Variants in ZNF439 observed in about 807,000 individuals in gnomAD.
ZNF439 encodes zinc finger protein 439.
Under a neutral mutation model 47.3 loss-of-function variants are expected in ZNF439, and 40 were observed. The ratio of observed to expected loss-of-function variants is 0.85; its 90% confidence interval spans 0.66 to 1.10. The LOEUF (loss-of-function observed/expected upper bound fraction) is 1.10. ZNF439 is among the 50% of genes least tolerant of loss of function. The pLI, the probability that ZNF439 is intolerant of heterozygous loss-of-function variation, is 0.00. For synonymous variants in ZNF439, 171 were observed against 198.8 expected, an observed-to-expected ratio of 0.86 and a Z score of 1.18; for missense variants, 556 against 601.1, an observed-to-expected ratio of 0.93 and a Z score of 0.78.
rs576721125 is a variant in ZNF439 at position 11,852,777 on chromosome 19, C to T, written c.63+3847C>T. On this transcript the variant is annotated intron_variant, in intron 1 of 3. Transcript: ENST00000682736. The stretch of plus-strand genomic sequence containing the variant: ...CACCCACCTTGGCCTCCCAAAGTGG[C>T]GGGATTACAGGTGTGAGCCACCATG... Among the ~76,000 whole-genome samples the T allele has an allele frequency of 1.4e-4, 21 of 152,046 alleles. No individual in the cohort carries two copies. In the South Asian group the frequency reaches 1.5e-3, roughly 11 times the overall value.
In ZNF439 at chr19:11,868,596, A is replaced by T. The variant is rs771519430; in HGVS notation, c.*27A>T. On this transcript the variant is annotated 3_prime_UTR_variant, in exon 4 of 4. Coordinates refer to ENST00000682736, the MANE Select transcript of ZNF439 (RefSeq NM_001348719.2). The stretch of plus-strand genomic sequence containing the variant: ...TATAAGATATATGGGAAACACTTTT[A>T]TTCTGCCAAGTTATTTCAAACACAT... 6.3e-7 allele frequency: 1 copy of T among 1,579,598 alleles called. No individual in the cohort carries two copies. Among genetic ancestry groups the T allele is most frequent in the Non-Finnish European group, 8.6e-7 (1 of 1,166,304 alleles).
intron 1 of ZNF439, chr19:11,851,189 G>A (rs910022397): frequency 8.5e-5 from 13 of 152,180 alleles, no homozygotes; most frequent in African/African-American, 3.1e-4. Flanking sequence ...GCAAGAGGAG[G>A]AATGTACTGT....
In ZNF439 at chr19:11,867,618, G is replaced by T; in HGVS notation, c.564G>T (p.Lys188Asn). The change falls in exon 4 of 4, where the codon AAG (lysine) becomes AAT (asparagine). Residue 188 changes from lysine to asparagine, a missense_variant. Physicochemically the swap from Lys to Asn is moderately conservative, Grantham distance 94. Coordinates refer to ENST00000682736, the MANE Select transcript of ZNF439 (RefSeq NM_001348719.2). ...LRTQERDHTG[K>N]KPYACKECGK... ...CACAAGAAAGGGATCACACTGGAAA[G>T]AAACCCTATGCTTGTAAAGAATGTG... 1 of 1,614,110 alleles carries T rather than the reference G, an allele frequency of 6.2e-7. No individual in the cohort carries two copies. Among genetic ancestry groups the T allele is most frequent in the Admixed American group, 1.7e-5 (1 of 60,012 alleles).
At chr19:11,862,214 A>AT (rs1190246426) in intron 1 of ZNF439, among the ~76,000 whole-genome samples, 4 of 151,896 alleles carry the variant, frequency 2.6e-5, no homozygotes, top group Non-Finnish European at 1.5e-5. Flanking sequence ...CCGGCCACTC[A>AT]TTTTTTTGCA....
chr19:11,849,085 G>A (rs1311073506), intron 1 of ZNF439, 155 bp downstream of exon 1: 9 of 1,209,016 alleles, frequency 7.4e-6, no homozygotes, highest in Non-Finnish European at 8.3e-6. Flanking sequence ...TGGGTGGGCC[G>A]GCAGCCGGGA....
rs184710696 is a variant in ZNF439, at chr19:11,861,467, A to C, written c.64-4738A>C. On this transcript the variant is annotated intron_variant, in intron 1 of 3. Transcript: ENST00000682736. Reference sequence around the variant, plus strand: ...CTAGGGGAGTGGGGCCTCCCAAGGGAGCAGCTGAATGCCTTATGGTGGCAG... The same window carrying C: ...CTAGGGGAGTGGGGCCTCCCAAGGGCGCAGCTGAATGCCTTATGGTGGCAG... 8.4e-4 allele frequency among the ~76,000 whole-genome samples: 128 copies of C among 152,174 alleles called. 3 individuals carry two copies. The South Asian group carries it at 0.011, about 13-fold the overall frequency.
chr19:11,858,433 T>G (rs918200103), intron 1 of ZNF439: 1 of 141,778 alleles, frequency 7.1e-6, no homozygotes, highest in South Asian at 2.3e-4. Context: ...ACCACTGCAC[T>G]CCAGCCTGGG....
intron 1 of ZNF439, among the ~76,000 whole-genome samples, chr19:11,859,536 G>A (rs976849303): frequency 1.3e-5 from 2 of 152,210 alleles, no homozygotes; most frequent in Non-Finnish European, 2.9e-5. Flanking sequence ...ACCAAAAAGA[G>A]ATTCTGGTAA....
chr19:11,868,763 A>C lies in ZNF439; in HGVS notation c.*194A>C. 1 of 678,758 alleles carries C rather than the reference A, an allele frequency of 1.5e-6. No individual in the cohort carries two copies. Among genetic ancestry groups the C allele is most frequent in the South Asian group, 1.8e-5 (1 of 55,662 alleles). The allele number at this position is 678,758 out of a possible 1,614,324, so 42.0% of individuals were successfully genotyped here. A position where few individuals can be genotyped will look rare whatever the true frequency, so the allele number is the denominator to read the frequency against. On this transcript the variant is annotated 3_prime_UTR_variant, in exon 4 of 4. Transcript: ENST00000682736. The stretch of plus-strand genomic sequence containing the variant: ...GTAAGCAATGTGGGAAAGTCTTCAG[A>C]TCTGTCAAGAACCTTTCAATTTATG...
intron 1 of ZNF439, chr19:11,856,387 C>G (rs1265451846): frequency 6.6e-6 from 1 of 152,158 alleles, no homozygotes; most frequent in African/African-American, 2.4e-5. Flanking sequence ...AAAAACATGG[C>G]TAAGTATAAG....
rs1419333958 is a variant in ZNF439, at chr19:11,848,790, G to T, written c.-78G>T. The T allele has an allele frequency of 7.2e-7, 1 of 1,385,246 alleles. No homozygotes were observed. The highest frequency in any genetic ancestry group is 3.6e-5 in the East Asian group (1 of 27,430). The allele number at this position is 1,385,246 out of a possible 1,614,324, so 85.8% of individuals were successfully genotyped here. ...TCACCTTTGTCGCTGCGAGGGCGGC[G>T]GTTGGGATCTGGCCTTTCCAGCCCC... On this transcript the variant is annotated 5_prime_UTR_variant, in exon 1 of 4. Coordinates refer to ENST00000682736, the MANE Select transcript of ZNF439 (RefSeq NM_001348719.2).
At chr19:11,861,439 T>C (rs1661204327) in intron 1 of ZNF439, among the ~76,000 whole-genome samples, 1 of 151,942 alleles carries the variant, frequency 6.6e-6, no homozygotes, top group South Asian at 2.1e-4. Flanking sequence ...TGGGTATCAG[T>C]GCCTAGGGGA....
Position 11,868,703 on chromosome 19 carries a change from T to C in ZNF439, c.*134T>C. Reference sequence around the variant, plus strand: ...AATTGTTCCAGTTCCTTTCGATATCTAAAAGGACTCACAGTGGAGAAAAAC... The same window carrying C: ...AATTGTTCCAGTTCCTTTCGATATCCAAAAGGACTCACAGTGGAGAAAAAC... On this transcript the variant is annotated 3_prime_UTR_variant, in exon 4 of 4. Transcript: ENST00000682736. The C allele has an allele frequency of 1.0e-6, 1 of 992,160 alleles. No homozygotes were observed. Among genetic ancestry groups the C allele is most frequent in the Non-Finnish European group, 1.5e-6 (1 of 650,480 alleles). 61.5% of individuals were successfully genotyped at this position (992,160 alleles called of 1,614,324 possible). A position where few individuals can be genotyped will look rare whatever the true frequency, so the allele number is the denominator to read the frequency against.
At chr19:11,864,610 G>C (rs17705580) in intron 1 of ZNF439, among the ~76,000 whole-genome samples, 3,473 of 151,960 alleles carry the variant, frequency 0.023, 69 homozygotes, top group East Asian at 0.078. Context: ...ACCGTGATTT[G>C]TTATCAATAC....
chr19:11,850,799 G>C (rs1232651037), intron 1 of ZNF439: 2 of 152,236 alleles, frequency 1.3e-5, no homozygotes, highest in Admixed American at 1.3e-4. Flanking sequence ...GGAGGCCCAG[G>C]CGAGAGGATC....
chr19:11,855,834 C>T (rs1976370336), intron 1 of ZNF439, among the ~76,000 whole-genome samples: 1 of 152,156 alleles, frequency 6.6e-6, no homozygotes, highest in Admixed American at 6.5e-5. Flanking sequence ...CTTGAGTTGT[C>T]CCCAGGTTAT....
In ZNF439 at chr19:11,848,827, A is replaced by G. The variant is rs1225801885; in HGVS notation, c.-41A>G. On this transcript the variant is annotated 5_prime_UTR_variant, in exon 1 of 4. It removes the in-frame stop codon of an upstream open reading frame in the 5' UTR. Coordinates refer to ENST00000682736, the MANE Select transcript of ZNF439 (RefSeq NM_001348719.2). ...GCCTTTCCAGCCCCGAGAGGGACCT[A>G]GTGCCTCTACCCAGATTTCTGTCGC... The G allele has an allele frequency of 1.8e-5, 27 of 1,514,478 alleles. No homozygotes were observed. The East Asian group carries it at 3.7e-4, about 21-fold the overall frequency. 93.8% of individuals were successfully genotyped at this position (1,514,478 alleles called of 1,614,324 possible).
intron 1 of ZNF439, among the ~76,000 whole-genome samples, chr19:11,863,152 CTT>C (rs34655587): frequency 0.091 from 8,079 of 89,228 alleles, 264 homozygotes; most frequent in African/African-American, 0.24. Flanking sequence ...AAAGATTTTG[CTT>C]TTTTTTTTTT....
intron 1 of ZNF439, 99 bp from the exon 2 acceptor site, chr19:11,866,106 T>C: frequency 1.9e-6 from 3 of 1,570,762 alleles, no homozygotes; most frequent in Non-Finnish European, 2.6e-6. Flanking sequence ...AATAAATGTT[T>C]GGAGTCCACG....
Sources: gnomAD v4.1 joint callset for allele counts (sites outside exome capture counted in the v4.1 genomes callset) on GRCh38, gnomAD v4.1.1 for gene constraint, MANE v1.5 for transcripts, NCBI Gene and HGNC (gene_info 2026-07-23, HGNC 2026-07-21) for gene names.